TMTC2: variants seen among roughly 807,000 people sequenced by gnomAD.
TMTC2 encodes transmembrane O-mannosyltransferase targeting cadherins 2.
A neutral mutation model predicts 82.4 loss-of-function variants in TMTC2; 43 were observed. The ratio of observed to expected loss-of-function variants is 0.52; its 90% CI spans 0.41 to 0.67. The LOEUF is 0.67. Among genes scored for constraint, TMTC2 ranks in the 30% least tolerant of loss-of-function variants. The probability of loss-of-function intolerance (pLI) is 0.00; values close to 1 mark genes in which losing one functional copy is unlikely to be tolerated. For missense variants in TMTC2, 919 were observed against 1,012.4 expected, an observed-to-expected ratio of 0.91 and a Z score of 1.25; for synonymous variants, 408 against 381.9, an observed-to-expected ratio of 1.07 and a Z score of -0.80.
chr12:83,075,910 C>T (rs1883271441), intron 11 of TMTC2, among the ~76,000 whole-genome samples: 1 of 152,170 alleles, frequency 6.6e-6, no homozygotes, highest in Non-Finnish European at 1.5e-5. Flanking sequence ...ATTTTAATTG[C>T]TTTGTGTTGT....
chr12:82,775,016 G>A (rs1388055384), intron 1 of TMTC2, among the ~76,000 whole-genome samples: 2 of 152,070 alleles, frequency 1.3e-5, no homozygotes, highest in African/African-American at 4.8e-5. Flanking sequence ...AACTAATTGT[G>A]AGTCTTGCCA....
chr12:82,910,328 G>T (rs1874565015), intron 3 of TMTC2, among the ~76,000 whole-genome samples: 1 of 152,182 alleles, frequency 6.6e-6, no homozygotes, highest in Non-Finnish European at 1.5e-5. Flanking sequence ...TGTGAAGAGG[G>T]TGTGGCTCAC....
chr12:83,043,726 T>C (rs891255795), intron 9 of TMTC2, among the ~76,000 whole-genome samples: 1 of 152,206 alleles, frequency 6.6e-6, no homozygotes, highest in Non-Finnish European at 1.5e-5. Context: ...ATTGTGTTTA[T>C]CTTTGTATGC....
chr12:82,919,848 C>T (rs1201505118), intron 3 of TMTC2, among the ~76,000 whole-genome samples: 1 of 152,198 alleles, frequency 6.6e-6, no homozygotes, highest in Non-Finnish European at 1.5e-5. Context: ...CTGCCACGCC[C>T]ATGGCTTTGC....
In TMTC2 at chr12:82,795,092, G is replaced by T. The variant is rs1392362411; in HGVS notation, c.84-61918G>T. 2.6e-5 allele frequency among the ~76,000 whole-genome samples: 4 copies of T among 152,060 alleles called. No individual in the cohort carries two copies. The East Asian group carries it at 7.7e-4, about 29-fold the overall frequency. On this transcript the variant is annotated intron_variant, in intron 1 of 11. Transcript: ENST00000321196. Reference sequence around the variant, plus strand: ...GGCTGAGGCAGGTGGATCACTTGAGGTCAGGAGTTCGAGACCAGCGTGGCC... The same window carrying T: ...GGCTGAGGCAGGTGGATCACTTGAGTTCAGGAGTTCGAGACCAGCGTGGCC...
At chr12:83,089,624 G>A (rs1424381029) in intron 11 of TMTC2, among the ~76,000 whole-genome samples, 3 of 152,096 alleles carry the variant, frequency 2.0e-5, no homozygotes, top group Non-Finnish European at 4.4e-5. Flanking sequence ...GGTAGGGAGT[G>A]TAAGAACAAA....
At chr12:83,080,658 T>C (rs1478993457) in intron 11 of TMTC2, among the ~76,000 whole-genome samples, 2 of 152,174 alleles carry the variant, frequency 1.3e-5, no homozygotes, top group East Asian at 3.9e-4. Flanking sequence ...CTACTTCATG[T>C]GTAACATTAC....
At chr12:83,033,456 TA>T (rs1881522783) in intron 9 of TMTC2, among the ~76,000 whole-genome samples, 1 of 152,174 alleles carries the variant, frequency 6.6e-6, no homozygotes, top group African/African-American at 2.4e-5. Context: ...TTTTCTTCCA[TA>T]AAATATATTC....
chr12:83,110,642 A>T (rs1884569505), intron 11 of TMTC2, among the ~76,000 whole-genome samples: 1 of 152,200 alleles, frequency 6.6e-6, no homozygotes, highest in Non-Finnish European at 1.5e-5. Context: ...AGGATTACTC[A>T]TTCCTCCTGG....
At chr12:82,941,165 G>A (rs562844311) in intron 4 of TMTC2, among the ~76,000 whole-genome samples, 61 of 152,200 alleles carry the variant, frequency 4.0e-4, no homozygotes, top group Middle Eastern at 6.8e-3. Flanking sequence ...ATATTTAGGA[G>A]GGAGATCTAT....
At chr12:82,754,416 A>T (rs1391321752) in intron 1 of TMTC2, among the ~76,000 whole-genome samples, 1 of 152,176 alleles carries the variant, frequency 6.6e-6, no homozygotes, top group African/African-American at 2.4e-5. Flanking sequence ...AAATATTTGG[A>T]TTGTAGTAGA....
chr12:83,109,725 C>T (rs1233645611), intron 11 of TMTC2, among the ~76,000 whole-genome samples: 1 of 152,196 alleles, frequency 6.6e-6, no homozygotes, highest in Non-Finnish European at 1.5e-5. Context: ...TAATTGCTCT[C>T]TTACCTATAT....
intron 1 of TMTC2, among the ~76,000 whole-genome samples, chr12:82,735,969 TCACACACACACACACA>T (rs148485109): frequency 1.2e-4 from 18 of 145,840 alleles, no homozygotes; most frequent in Admixed American, 2.1e-4. Flanking sequence ...CGAGACTCCG[TCACACACACACACACA>T]CACACACACA....
intron 3 of TMTC2, among the ~76,000 whole-genome samples, chr12:82,912,823 AGCTACTTGGGGG>A (rs1428326082): frequency 6.6e-6 from 1 of 151,816 alleles, no homozygotes; most frequent in Non-Finnish European, 1.5e-5. Flanking sequence ...CTGTAGTTGC[AGCTACTTGGGGG>A]GCTGAGGTGG....
chr12:82,819,176 G>C (rs180707147), intron 1 of TMTC2, among the ~76,000 whole-genome samples: 66 of 151,832 alleles, frequency 4.3e-4, no homozygotes, highest in African/African-American at 1.6e-3. Context: ...GCCTCTGTTT[G>C]AATGTTTTCT....
chr12:82,930,567 G>C (rs1318600150), intron 4 of TMTC2, 22 bp downstream of exon 4: 10 of 1,508,960 alleles, frequency 6.6e-6, no homozygotes, highest in Non-Finnish European at 9.1e-6. Flanking sequence ...TTGCTTCTCT[G>C]GTTTGGTTCG....
At chr12:82,733,847 A>C (rs544117626) in intron 1 of TMTC2, among the ~76,000 whole-genome samples, 1 of 152,240 alleles carries the variant, frequency 6.6e-6, no homozygotes, top group Admixed American at 6.5e-5. Flanking sequence ...ATATATTTAC[A>C]TAGCTGTGGA....
At chr12:82,883,517 C>T (rs2137159303) in intron 2 of TMTC2, among the ~76,000 whole-genome samples, 1 of 152,284 alleles carries the variant, frequency 6.6e-6, no homozygotes, top group South Asian at 2.1e-4. Context: ...TTAGCCTCCC[C>T]ACTGAGTGAA....
chr12:82,997,157 C>CTCTCT (rs1565844722), intron 8 of TMTC2, among the ~76,000 whole-genome samples: 2 of 41,302 alleles, frequency 4.8e-5, no homozygotes, highest in African/African-American at 1.1e-4. Flanking sequence ...TTGATACTTC[C>CTCTCT]CTCTCTCTCT....
Sources: gnomAD v4.1 joint callset for allele counts (sites outside exome capture counted in the v4.1 genomes callset) on GRCh38, gnomAD v4.1.1 for gene constraint, MANE v1.5 for transcripts, NCBI Gene and HGNC (gene_info 2026-07-23, HGNC 2026-07-21) for gene names.